COL9A3: variants seen among roughly 807,000 people sequenced by gnomAD.
The protein encoded by COL9A3 is collagen alpha-3(IX) chain.
A neutral mutation model predicts 110.2 loss-of-function variants in COL9A3; 82 were observed. That is an observed-to-expected ratio of 0.74 (90% CI 0.62 to 0.89). COL9A3 has a LOEUF of 0.89. Ranked by LOEUF, COL9A3 falls within the 40% of genes least tolerant of loss-of-function variation. The pLI is 0.00. For synonymous variants in COL9A3, 494 were observed against 403.8 expected (o/e 1.22, Z -2.68); for missense variants, 1,066 against 981.3 (o/e 1.09, Z -1.15).
At chr20:62,826,353 T>G in intron 14 of COL9A3, 96 bp downstream of exon 14, 1 of 1,195,396 alleles carries the variant, frequency 8.4e-7, no homozygotes, top group Admixed American at 2.1e-5. Flanking sequence ...AGTGACACTC[T>G]GAAGCAGCCG....
At chr20:62,837,882 C>T (rs534243124) in intron 30 of COL9A3, among the ~76,000 whole-genome samples, 6 of 151,976 alleles carry the variant, frequency 3.9e-5, no homozygotes, top group East Asian at 3.9e-4. Context: ...GTTGGGAGGA[C>T]GAGGCAGGTG....
rs756350980 is a variant in COL9A3, at chr20:62,827,304, A to C, written c.846+10A>C. On this transcript the variant is annotated intron_variant, in intron 16 of 31. Coordinates refer to ENST00000649368, the MANE Select transcript of COL9A3 (RefSeq NM_001853.4). ...CCCCAAGGGTGACCTCGTAAGTGAG[A>C]GGGAAGTTGGTTCCCTGGGTCCTTA... 3.7e-6 allele frequency: 6 copies of C among 1,612,858 alleles called. No homozygotes were observed. Among genetic ancestry groups the C allele is most frequent in the Non-Finnish European group, 5.1e-6 (6 of 1,179,856 alleles).
Position 62,828,814 on chromosome 20 carries a change from GA to G in COL9A3, c.953del (p.Lys318ArgfsTer215). The G allele has an allele frequency of 6.2e-7, 1 of 1,613,002 alleles. No individual in the cohort carries two copies. The highest frequency in any genetic ancestry group is 8.5e-7 in the Non-Finnish European group (1 of 1,180,014). ...ATGGCGTGCCAGGACTCGATGGCCA[GA>G]AGGTTGGCATGGGGCTCAGGGTGTG... ...QNGVPGLDGQ[K>X]GEAGRNGAPG... On this transcript the variant is annotated frameshift_variant and splice_region_variant, in exon 18 of 32. Transcript: ENST00000649368. LOFTEE classifies it high-confidence loss of function.
At chr20:62,830,287 C>T in intron 22 of COL9A3, 73 bp from the exon 23 acceptor site, 1 of 1,514,138 alleles carries the variant, frequency 6.6e-7, no homozygotes. Context: ...AAGGCTGAGC[C>T]AGGCTCCCTG....
At position 62,828,977 on chromosome 20, in the gene COL9A3, G is replaced by T; in HGVS notation, c.1008+1G>T. The T allele has an allele frequency of 6.2e-7, 1 of 1,604,030 alleles. No homozygotes were observed. The highest frequency in any genetic ancestry group is 8.5e-7 in the Non-Finnish European group (1 of 1,177,082). On this transcript the variant is annotated splice_donor_variant, in intron 19 of 31. Coordinates refer to ENST00000649368, the MANE Select transcript of COL9A3 (RefSeq NM_001853.4). LOFTEE classifies it high-confidence loss of function. Reference sequence around the variant, plus strand: ...AGAGAAGGGCCCCAACGGGCTGCCGGTGAGTGCCCGGCGGGTGGGGCCAGC... The same window carrying T: ...AGAGAAGGGCCCCAACGGGCTGCCGTTGAGTGCCCGGCGGGTGGGGCCAGC...
intron 14 of COL9A3, 108 bp from the exon 15 acceptor site, chr20:62,826,659 G>A: frequency 8.4e-7 from 1 of 1,190,480 alleles, no homozygotes; most frequent in Non-Finnish European, 1.2e-6. Flanking sequence ...TTGCTGGGGA[G>A]CCCTAGAGGA....
At chr20:62,821,137 A>T in intron 5 of COL9A3, 44 bp from the exon 6 acceptor site, 3 of 1,606,502 alleles carry the variant, frequency 1.9e-6, no homozygotes, top group Non-Finnish European at 2.6e-6. Flanking sequence ...TGGGTTTGCA[A>T]ATAGAGGCCC....
Position 62,836,528 on chromosome 20 carries a change from C to T in COL9A3, c.1599C>T (p.Ile533=), listed in dbSNP as rs765493816. 8.7e-6 allele frequency: 14 copies of T among 1,610,780 alleles called. No homozygotes were observed. In the Admixed American group the frequency reaches 2.0e-4, roughly 23 times the overall value. Residue 533 remains isoleucine (I), a synonymous_variant, in exon 29 of 32, where the codon ATC becomes ATT. Coordinates refer to ENST00000649368, the MANE Select transcript of COL9A3 (RefSeq NM_001853.4). ...QRIRELCGGM[I]SEQIAQLAAH... ...TCAGGGAGCTGTGTGGGGGGATGAT[C>T]AGCGGTAAGTCAGCCACGTGCACCG...
upstream of COL9A3, chr20:62,816,991 G>A: frequency 1.1e-6 from 1 of 898,280 alleles, no homozygotes; most frequent in Non-Finnish European, 1.4e-6. Flanking sequence ...GGAAGGGGAA[G>A]GGGCCGCCCA....
intron 10 of COL9A3, 88 bp downstream of exon 10, chr20:62,822,720 C>A: frequency 6.9e-7 from 1 of 1,442,694 alleles, no homozygotes; most frequent in Non-Finnish European, 9.6e-7. Context: ...CTTGTCCATA[C>A]TGGCAAGAAG....
At chr20:62,836,674 G>C in intron 29 of COL9A3, 142 bp downstream of exon 29, 1 of 905,034 alleles carries the variant, frequency 1.1e-6, no homozygotes. Context: ...TTAGCCCTTG[G>C]GGGTCCACGT....
intron 19 of COL9A3, among the ~76,000 whole-genome samples, chr20:62,829,193 T>C (rs2063576788): frequency 6.6e-6 from 1 of 152,184 alleles, no homozygotes; most frequent in African/African-American, 2.4e-5. Flanking sequence ...CGTGTGTACA[T>C]GGGACATGTG....
chr20:62,831,682 A>G (rs1046044667), intron 24 of COL9A3: 2 of 190,266 alleles, frequency 1.1e-5, no homozygotes, highest in African/African-American at 4.8e-5. Flanking sequence ...TTCACTTTAA[A>G]CTCACGGGAA....
At chr20:62,830,466 G>A in intron 23 of COL9A3, 51 bp from the exon 24 acceptor site, 1 of 1,589,954 alleles carries the variant, frequency 6.3e-7, no homozygotes. Flanking sequence ...ACCCAGACGG[G>A]CCAGACCCGA....
Position 62,828,976 on chromosome 20 carries a change from G to C in COL9A3, c.1008G>C (p.Pro336=). The C allele has an allele frequency of 6.2e-7, 1 of 1,604,648 alleles. No homozygotes were observed. Among genetic ancestry groups the C allele is most frequent in the African/African-American group, 1.3e-5 (1 of 74,874 alleles). ...GAGAGAAGGGCCCCAACGGGCTGCCGGTGAGTGCCCGGCGGGTGGGGCCAG... is the reference window on the plus strand; with the variant it reads ...GAGAGAAGGGCCCCAACGGGCTGCCCGTGAGTGCCCGGCGGGTGGGGCCAG... ...APGEKGPNGL[P]GLPGRAGSKG... is the part of the protein sequence containing the mutation. The change falls in exon 19 of 32, where the codon CCG becomes CCC. Residue 336 remains proline (P), a splice_region_variant and synonymous_variant. Transcript: ENST00000649368.
At position 62,828,688 on chromosome 20, in the gene COL9A3, C is replaced by G; in HGVS notation, c.901-76C>G. The G allele has an allele frequency of 2.6e-6, 4 of 1,523,882 alleles. No homozygotes were observed. The South Asian group carries it at 4.5e-5, about 17-fold the overall frequency. 94.4% of individuals were successfully genotyped at this position (1,523,882 alleles called of 1,614,324 possible). On this transcript the variant is annotated intron_variant, in intron 17 of 31. Coordinates refer to ENST00000649368, the MANE Select transcript of COL9A3 (RefSeq NM_001853.4). ...AGTTTTAGGTTGATGGGGAAGGAGG[C>G]TGCCCCCAGGGCAGGACTGTAGAGG...
At chr20:62,834,777 G>A (rs967338280) in intron 26 of COL9A3, among the ~76,000 whole-genome samples, 1 of 152,088 alleles carries the variant, frequency 6.6e-6, no homozygotes, top group Non-Finnish European at 1.5e-5. Context: ...CGAGTAGCTG[G>A]GACTACAGGT....
chr20:62,826,647 A>C, intron 14 of COL9A3, 120 bp from the exon 15 acceptor site: 1 of 1,063,906 alleles, frequency 9.4e-7, no homozygotes, highest in Non-Finnish European at 1.4e-6. Context: ...TCTTGGGGGA[A>C]CTTGCTGGGG....
intron 10 of COL9A3, 146 bp downstream of exon 10, chr20:62,822,778 C>T (rs544966539): frequency 1.2e-5 from 10 of 823,668 alleles, no homozygotes; most frequent in African/African-American, 8.4e-5. Flanking sequence ...GCAGACAGCT[C>T]GGGCACAACC....
Sources: gnomAD v4.1 joint callset for allele counts (sites outside exome capture counted in the v4.1 genomes callset) on GRCh38, gnomAD v4.1.1 for gene constraint, MANE v1.5 for transcripts, NCBI Gene and HGNC (gene_info 2026-07-23, HGNC 2026-07-21) for gene names.